The following LRP1B variants were observed in gnomAD, a reference collection of about 807,000 sequenced individuals.
The protein encoded by LRP1B is low-density lipoprotein receptor-related protein 1B.
LRP1B carries 217 observed loss-of-function variants against 556.6 expected under a neutral mutation model. The ratio of observed to expected loss-of-function variants is 0.39; its 90% CI spans 0.35 to 0.44. The LOEUF (loss-of-function observed/expected upper bound fraction) is 0.44. LRP1B is among the 20% of genes least tolerant of loss of function. The pLI is 1.00. For missense variants in LRP1B, 5,053 were observed against 5,620.8 expected, an observed-to-expected ratio of 0.90 and a Z score of 3.23; for synonymous variants, 2,047 against 1,865.8, an observed-to-expected ratio of 1.10 and a Z score of -2.50.
chr2:141,686,339 ATGTT>A (rs1420315188), intron 2 of LRP1B, among the ~76,000 whole-genome samples: 27 of 151,930 alleles, frequency 1.8e-4, no homozygotes, highest in Admixed American at 6.6e-4. Context: ...TAAAATATAA[ATGTT>A]TGGGTCAGTC....
At chr2:142,053,940 G>A (rs1346912644) in intron 1 of LRP1B, among the ~76,000 whole-genome samples, 6 of 152,118 alleles carry the variant, frequency 3.9e-5, no homozygotes, top group Admixed American at 3.9e-4. Flanking sequence ...TGGACAGTAA[G>A]TGTGTCAGGG....
At chr2:141,884,522 C>G (rs1259615426) in intron 1 of LRP1B, among the ~76,000 whole-genome samples, 4 of 152,150 alleles carry the variant, frequency 2.6e-5, no homozygotes, top group African/African-American at 9.7e-5. Flanking sequence ...AATCGCCTTG[C>G]CACATTGTAA....
chr2:140,629,223 CT>C (rs111850159), intron 41 of LRP1B, among the ~76,000 whole-genome samples: 2,015 of 133,710 alleles, frequency 0.015, 27 homozygotes, highest in African/African-American at 0.039. Flanking sequence ...CCAGCTAATT[CT>C]TTTTTTTTTT....
intron 2 of LRP1B, among the ~76,000 whole-genome samples, chr2:141,670,243 A>T (rs1690613042): frequency 6.6e-6 from 1 of 152,264 alleles, no homozygotes; most frequent in Admixed American, 6.5e-5. Context: ...TGTCTAATTC[A>T]TCTCTTTAGC....
chr2:141,776,313 A>C (rs972576946), intron 2 of LRP1B, among the ~76,000 whole-genome samples: 1 of 152,202 alleles, frequency 6.6e-6, no homozygotes, highest in Non-Finnish European at 1.5e-5. Context: ...AAGATGGGCA[A>C]TTAACTTGTT....
chr2:140,310,799 GAAGAAA>G (rs1684264816), intron 83 of LRP1B, among the ~76,000 whole-genome samples: 1 of 151,748 alleles, frequency 6.6e-6, no homozygotes. Context: ...AAAAATGCTA[GAAGAAA>G]ACCTAGGAAA....
At chr2:140,833,046 A>G (rs534494987) in intron 31 of LRP1B, among the ~76,000 whole-genome samples, 1 of 152,302 alleles carries the variant, frequency 6.6e-6, no homozygotes, top group African/African-American at 2.4e-5. Context: ...TCCCAATATA[A>G]GTGAGGGTAT....
At chr2:142,119,313 C>T (rs764522658) in intron 1 of LRP1B, among the ~76,000 whole-genome samples, 5 of 152,084 alleles carry the variant, frequency 3.3e-5, no homozygotes, top group Non-Finnish European at 5.9e-5. Context: ...TATATTCTTC[C>T]ACAATGCTGC....
intron 7 of LRP1B, among the ~76,000 whole-genome samples, chr2:141,179,792 G>A (rs1680911172): frequency 6.6e-6 from 1 of 151,642 alleles, no homozygotes; most frequent in African/African-American, 2.4e-5. Context: ...AAGAGTCTGG[G>A]GCTCAAGGGA....
At chr2:141,226,025 C>T (rs145630376) in intron 6 of LRP1B, among the ~76,000 whole-genome samples, 291 of 151,958 alleles carry the variant, frequency 1.9e-3, no homozygotes, top group African/African-American at 6.6e-3. Flanking sequence ...ACGGGCAGAG[C>T]GGTATTTAGA....
At chr2:140,402,421 C>A (rs558800023) in intron 66 of LRP1B, among the ~76,000 whole-genome samples, 1 of 152,280 alleles carries the variant, frequency 6.6e-6, no homozygotes, top group African/African-American at 2.4e-5. Flanking sequence ...TCCATGAGAG[C>A]TTTGCATGGT....
chr2:140,898,008 A>C (rs944556070), intron 23 of LRP1B, among the ~76,000 whole-genome samples: 1 of 152,078 alleles, frequency 6.6e-6, no homozygotes, highest in African/African-American at 2.4e-5. Context: ...TGAAGACACC[A>C]ACTTTTCGGT....
chr2:140,313,806 T>G (rs546605455), intron 83 of LRP1B, among the ~76,000 whole-genome samples: 67 of 151,998 alleles, frequency 4.4e-4, no homozygotes, highest in Middle Eastern at 6.8e-3. Flanking sequence ...TGAACTAGCC[T>G]CCCTTAACAG....
At chr2:142,012,375 G>A (rs1431383591) in intron 1 of LRP1B, among the ~76,000 whole-genome samples, 1 of 152,018 alleles carries the variant, frequency 6.6e-6, no homozygotes. Context: ...TACAAAATCT[G>A]TGCTTAGAAA....
intron 32 of LRP1B, among the ~76,000 whole-genome samples, chr2:140,790,415 G>T (rs1370443557): frequency 1.3e-5 from 2 of 152,078 alleles, no homozygotes; most frequent in Admixed American, 1.3e-4. Flanking sequence ...CCAGAGCCTG[G>T]GCAGCTGTTT....
chr2:141,911,678 C>G (rs1699910599), intron 1 of LRP1B, among the ~76,000 whole-genome samples: 1 of 152,198 alleles, frequency 6.6e-6, no homozygotes. Flanking sequence ...CAATGACTCT[C>G]CATTGTGCTA....
rs532510448 is a variant in LRP1B at position 141,527,973 on chromosome 2, A to AG, written c.206-47441dup. ...TCTGTGGTCTTTATGATAAACTCAG[A>AG]GGCTCAGATGAGGTCTACTAAAACA... On this transcript the variant is annotated intron_variant, in intron 2 of 90. Transcript: ENST00000389484. Among the ~76,000 whole-genome samples, 12 of 152,108 alleles carry AG rather than the reference A, an allele frequency of 7.9e-5. No homozygotes were observed. In the East Asian group the frequency reaches 2.0e-3, roughly 25 times the overall value.
In LRP1B at chr2:140,371,168, A is replaced by C; in HGVS notation, c.10875+11T>G. 6.7e-7 allele frequency: 1 copy of C among 1,496,090 alleles called. No homozygotes were observed. Among genetic ancestry groups the C allele is most frequent in the Non-Finnish European group, 9.1e-7 (1 of 1,101,478 alleles). The allele number at this position is 1,496,090 out of a possible 1,614,324, so 92.7% of individuals were successfully genotyped here. ...GTAATTCAAATATTTTAATTAAACA[A>C]TATATTTTACCTCATCTGAACCATC... is the stretch of plus-strand genomic sequence containing the variant. On this transcript the variant is annotated intron_variant, in intron 70 of 90. Transcript: ENST00000389484.
At chr2:140,295,718 A>G (rs1486411050) in intron 84 of LRP1B, among the ~76,000 whole-genome samples, 3 of 152,234 alleles carry the variant, frequency 2.0e-5, no homozygotes, top group Non-Finnish European at 4.4e-5. Context: ...GTTTATTGAT[A>G]GGATTAAACG....
Sources: allele counts gnomAD v4.1 joint callset (sites outside exome capture counted in the v4.1 genomes callset), GRCh38; gene constraint gnomAD v4.1.1; transcripts MANE v1.5; gene names NCBI Gene and HGNC (gene_info 2026-07-23, HGNC 2026-07-21).